The following SND1 variants were observed in gnomAD, a reference collection of about 807,000 sequenced individuals.
SND1 encodes the protein staphylococcal nuclease domain-containing protein 1.
Under a neutral mutation model 121.7 loss-of-function variants are expected in SND1, and 38 were observed. The ratio of observed to expected loss-of-function variants is 0.31; its 90% CI spans 0.24 to 0.41. The LOEUF is 0.41. SND1 is among the 10% of genes least tolerant of loss of function. SND1 has a pLI of 1.00. For synonymous variants in SND1, 401 were observed against 447.4 expected (o/e 0.90, Z 1.31); for missense variants, 868 against 1,184.6 (o/e 0.73, Z 3.92).
intron 16 of SND1, among the ~76,000 whole-genome samples, chr7:128,023,709 C>T (rs762917077): frequency 8.5e-5 from 13 of 152,152 alleles, no homozygotes; most frequent in Non-Finnish European, 1.5e-4. Context: ...GCACAATAGG[C>T]ATGTCTCTCT....
At chr7:127,786,798 CAT>C (rs1257915654) in intron 10 of SND1, among the ~76,000 whole-genome samples, 3 of 152,150 alleles carry the variant, frequency 2.0e-5, no homozygotes, top group Non-Finnish European at 4.4e-5. Context: ...CGCGCGCCAC[CAT>C]GCCCGGCTAA....
chr7:127,867,165 C>T (rs1799492690), intron 12 of SND1, among the ~76,000 whole-genome samples: 1 of 152,182 alleles, frequency 6.6e-6, no homozygotes, highest in Non-Finnish European at 1.5e-5. Context: ...CCTTTCCCTT[C>T]TAGCTTTGAA....
At chr7:128,086,866 CAGAG>C in intron 20 of SND1, 68 bp from the exon 21 acceptor site, 1 of 1,261,882 alleles carries the variant, frequency 7.9e-7, no homozygotes, top group Non-Finnish European at 1.2e-6. Context: ...GGCCTGGCCA[CAGAG>C]AGCTGTCCTG....
chr7:127,788,855 C>T (rs1174557689), intron 10 of SND1, among the ~76,000 whole-genome samples: 3 of 152,162 alleles, frequency 2.0e-5, no homozygotes, highest in Admixed American at 6.5e-5. Flanking sequence ...AGCCAGTGGT[C>T]GTCCATCCTT....
chr7:127,939,910 T>C (rs1006526816), intron 15 of SND1, among the ~76,000 whole-genome samples: 4 of 152,220 alleles, frequency 2.6e-5, no homozygotes, highest in Admixed American at 1.3e-4. Flanking sequence ...CGTTCTATTG[T>C]GCTTTTTACT....
intron 2 of SND1, 183 bp from the exon 3 acceptor site, chr7:127,694,645 T>TG (rs1259147295): frequency 2.6e-5 from 16 of 614,188 alleles, no homozygotes; most frequent in Non-Finnish European, 4.0e-5. Flanking sequence ...CTCCTTTTTT[T>TG]ATGAGCCCCC....
intron 1 of SND1, among the ~76,000 whole-genome samples, chr7:127,662,129 C>G (rs1795324564): frequency 6.6e-6 from 1 of 151,030 alleles, no homozygotes; most frequent in Admixed American, 6.6e-5. Context: ...AAAAAAAAAT[C>G]TCTCTCTCTC....
At chr7:127,653,989 A>G (rs1027177299) in intron 1 of SND1, among the ~76,000 whole-genome samples, 12 of 152,230 alleles carry the variant, frequency 7.9e-5, no homozygotes, top group Non-Finnish European at 1.5e-4. Context: ...TCTCTTCACC[A>G]TAGGAACAAA....
At chr7:127,670,881 A>G (rs1434401281) in intron 1 of SND1, among the ~76,000 whole-genome samples, 2 of 151,752 alleles carry the variant, frequency 1.3e-5, no homozygotes, top group Non-Finnish European at 2.9e-5. Flanking sequence ...AGGAAAAGGG[A>G]TATCTTTAAA....
intron 10 of SND1, among the ~76,000 whole-genome samples, chr7:127,725,863 T>C (rs1175430052): frequency 6.6e-6 from 1 of 152,200 alleles, no homozygotes; most frequent in Non-Finnish European, 1.5e-5. Flanking sequence ...ATTCCTGTTC[T>C]AGGGCGGGCC....
intron 9 of SND1, among the ~76,000 whole-genome samples, chr7:127,713,597 G>T (rs1055648320): frequency 6.6e-6 from 1 of 152,142 alleles, no homozygotes; most frequent in African/African-American, 2.4e-5. Flanking sequence ...ACAGGGCCCC[G>T]CTAAAAGCCT....
intron 10 of SND1, among the ~76,000 whole-genome samples, chr7:127,765,880 G>A (rs1797401317): frequency 6.6e-6 from 1 of 152,160 alleles, no homozygotes; most frequent in Admixed American, 6.5e-5. Context: ...GCATTTAGAT[G>A]TTTATGTGGC....
chr7:127,806,561 A>T (rs575907177), intron 10 of SND1, among the ~76,000 whole-genome samples: 2 of 152,242 alleles, frequency 1.3e-5, no homozygotes, highest in East Asian at 3.9e-4. Context: ...ATTAAATCTG[A>T]CCTTGTCAAT....
At chr7:127,652,561 C>T (rs1795141051) in intron 1 of SND1, 110 bp downstream of exon 1, 1 of 885,376 alleles carries the variant, frequency 1.1e-6, no homozygotes. Flanking sequence ...CTTTCCTCTG[C>T]CCCCTTCCTC....
At chr7:127,936,007 G>T (rs1801053169) in intron 15 of SND1, among the ~76,000 whole-genome samples, 1 of 152,206 alleles carries the variant, frequency 6.6e-6, no homozygotes, top group African/African-American at 2.4e-5. Context: ...GCCCAAGCCA[G>T]CTGGCTGTTC....
chr7:127,807,668 A>G, intron 11 of SND1, 95 bp downstream of exon 11: 1 of 890,678 alleles, frequency 1.1e-6, no homozygotes, highest in South Asian at 1.4e-5. Flanking sequence ...TTACCAGCAG[A>G]TGACACTTCT....
intron 7 of SND1, among the ~76,000 whole-genome samples, chr7:127,704,452 G>C (rs1796155474): frequency 6.6e-6 from 1 of 152,178 alleles, no homozygotes; most frequent in Non-Finnish European, 1.5e-5. Context: ...TCTTATGAAA[G>C]GGGGAGGAAG....
intron 14 of SND1, among the ~76,000 whole-genome samples, chr7:127,919,662 G>C (rs141734580): frequency 6.6e-6 from 1 of 151,896 alleles, no homozygotes; most frequent in African/African-American, 2.4e-5. Context: ...TTTTTAGCCC[G>C]GTCTCATGTC....
chr7:127,983,066 G>T (rs1462414117), intron 15 of SND1, among the ~76,000 whole-genome samples: 1 of 152,154 alleles, frequency 6.6e-6, no homozygotes, highest in African/African-American at 2.4e-5. Flanking sequence ...AAATCGGCCT[G>T]GACAAACTTA....
Sources: gnomAD v4.1 joint callset for allele counts (sites outside exome capture counted in the v4.1 genomes callset) on GRCh38, gnomAD v4.1.1 for gene constraint, MANE v1.5 for transcripts, NCBI Gene and HGNC (gene_info 2026-07-23, HGNC 2026-07-21) for gene names.